The following SPAG16 variants were observed in gnomAD, a reference collection of about 807,000 sequenced individuals.
The protein encoded by SPAG16 is sperm associated antigen 16, also known as sperm-associated antigen 16 protein.
Under a neutral mutation model 80.4 loss-of-function variants are expected in SPAG16, and 86 were observed. The observed-to-expected ratio is 1.07, with a 90% CI of 0.90 to 1.28. The LOEUF (loss-of-function observed/expected upper bound fraction) is 1.28, where lower values mean the gene tolerates loss of function less well. Among genes scored for constraint, SPAG16 ranks in the 50% most tolerant of loss-of-function variants. The pLI, the probability that SPAG16 is intolerant of heterozygous loss-of-function variation, is 0.00. For missense variants in SPAG16, 870 were observed against 765.3 expected, an observed-to-expected ratio of 1.14 and a Z score of -1.61; for synonymous variants, 294 against 265.9, an observed-to-expected ratio of 1.11 and a Z score of -1.03.
chr2:213,307,920 A>T (rs2063020139), intron 3 of SPAG16, among the ~76,000 whole-genome samples: 1 of 152,148 alleles, frequency 6.6e-6, no homozygotes, highest in African/African-American at 2.4e-5. Flanking sequence ...GGCAGCAAAG[A>T]TCCTCTTTCC....
At chr2:213,640,724 G>A (rs1367274331) in intron 10 of SPAG16, among the ~76,000 whole-genome samples, 1 of 152,140 alleles carries the variant, frequency 6.6e-6, no homozygotes, top group Non-Finnish European at 1.5e-5. Flanking sequence ...TGAATGCTGG[G>A]TATGCTAGCA....
intron 10 of SPAG16, among the ~76,000 whole-genome samples, chr2:213,579,197 A>G (rs1017927419): frequency 1.3e-5 from 2 of 152,216 alleles, no homozygotes; most frequent in South Asian, 2.1e-4. Context: ...TCATCTCTTT[A>G]TAACTTTTGT....
intron 10 of SPAG16, among the ~76,000 whole-genome samples, chr2:213,773,781 T>C (rs2069403875): frequency 6.6e-6 from 1 of 151,976 alleles, no homozygotes; most frequent in South Asian, 2.1e-4. Context: ...CCTGAACTCC[T>C]GACCTTGTGA....
At chr2:213,458,058 A>C (rs975690156) in intron 9 of SPAG16, among the ~76,000 whole-genome samples, 13 of 151,990 alleles carry the variant, frequency 8.6e-5, no homozygotes, top group African/African-American at 2.9e-4. Flanking sequence ...AGGATCTTTG[A>C]ACTTTATTTA....
At chr2:214,114,782 C>A (rs2053851379) in intron 14 of SPAG16, among the ~76,000 whole-genome samples, 1 of 152,214 alleles carries the variant, frequency 6.6e-6, no homozygotes, top group Non-Finnish European at 1.5e-5. Context: ...AACACCTCTA[C>A]CTGCTTCGGG....
chr2:213,915,729 AC>A (rs1259365862), intron 11 of SPAG16, among the ~76,000 whole-genome samples: 1 of 152,070 alleles, frequency 6.6e-6, no homozygotes, highest in African/African-American at 2.4e-5. Flanking sequence ...TAATTTACAC[AC>A]CCATCAACAG....
intron 10 of SPAG16, among the ~76,000 whole-genome samples, chr2:213,714,732 T>C (rs915810315): frequency 6.6e-6 from 1 of 152,298 alleles, no homozygotes. Context: ...CTGCATTTCA[T>C]AGGGAAAACT....
At chr2:214,289,219 C>T (rs1693612025) in intron 15 of SPAG16, among the ~76,000 whole-genome samples, 1 of 152,156 alleles carries the variant, frequency 6.6e-6, no homozygotes, top group Non-Finnish European at 1.5e-5. Context: ...GGATTGTTTC[C>T]TTGCTATGTA....
chr2:214,283,391 A>G (rs10439273), intron 15 of SPAG16, among the ~76,000 whole-genome samples: 24,268 of 152,098 alleles, frequency 0.16, 2,397 homozygotes, highest in Admixed American at 0.25. Flanking sequence ...GCCCCATATT[A>G]GCACTGTATA....
At chr2:214,092,797 G>A (rs977361450) in intron 13 of SPAG16, among the ~76,000 whole-genome samples, 4 of 152,022 alleles carry the variant, frequency 2.6e-5, no homozygotes, top group African/African-American at 9.7e-5. Flanking sequence ...TCTGGCCACA[G>A]TGGGAGCTAA....
At chr2:213,721,476 T>A (rs1160181735) in intron 10 of SPAG16, among the ~76,000 whole-genome samples, 9 of 152,248 alleles carry the variant, frequency 5.9e-5, no homozygotes, top group African/African-American at 2.2e-4. Context: ...ATATTTACTG[T>A]TAGTCATTTA....
At chr2:213,494,607 C>T (rs939526588) in intron 10 of SPAG16, among the ~76,000 whole-genome samples, 6 of 152,192 alleles carry the variant, frequency 3.9e-5, no homozygotes, top group Admixed American at 6.5e-5. Flanking sequence ...TCCTAATTTA[C>T]CCTGTCTTAC....
At chr2:213,355,894 A>G (rs1371923761) in intron 7 of SPAG16, among the ~76,000 whole-genome samples, 1 of 152,168 alleles carries the variant, frequency 6.6e-6, no homozygotes, top group South Asian at 2.1e-4. Context: ...AGAACTGCCA[A>G]CTTCCAACTA....
In SPAG16 at chr2:214,022,402, T is replaced by C. The variant is rs2047918708; in HGVS notation, c.1527+8325T>C. 2.0e-5 allele frequency among the ~76,000 whole-genome samples: 3 copies of C among 152,164 alleles called. No individual in the cohort carries two copies. In the South Asian group the frequency reaches 6.2e-4, roughly 31 times the overall value. On this transcript the variant is annotated intron_variant, in intron 13 of 15. Transcript: ENST00000331683. Reference sequence around the variant, plus strand: ...ACAGTGTGTCCTTGGGCATATTGTATAAAATATTTTTCCCACAATTTCCTC... The same window carrying C: ...ACAGTGTGTCCTTGGGCATATTGTACAAAATATTTTTCCCACAATTTCCTC...
chr2:213,574,925 C>T (rs1367949315), intron 10 of SPAG16, among the ~76,000 whole-genome samples: 1 of 151,994 alleles, frequency 6.6e-6, no homozygotes, highest in Non-Finnish European at 1.5e-5. Flanking sequence ...AGTTTGCCTT[C>T]CCATTTGATC....
chr2:213,366,120 C>A (rs376439455), intron 8 of SPAG16, among the ~76,000 whole-genome samples: 1 of 127,948 alleles, frequency 7.8e-6, no homozygotes, highest in Admixed American at 8.8e-5. Flanking sequence ...CCAGCCTGGG[C>A]GACAGAGCGA....
intron 10 of SPAG16, among the ~76,000 whole-genome samples, chr2:213,703,454 A>C (rs2065592487): frequency 6.6e-6 from 1 of 152,212 alleles, no homozygotes; most frequent in Non-Finnish European, 1.5e-5. Context: ...TGTGAAACAA[A>C]CCCAGGGCCT....
At chr2:213,574,806 A>G (rs923569037) in intron 10 of SPAG16, among the ~76,000 whole-genome samples, 10 of 151,484 alleles carry the variant, frequency 6.6e-5, no homozygotes, top group Admixed American at 6.6e-4. Flanking sequence ...GCAGCATGGG[A>G]CAGTATCTAT....
At chr2:214,362,268 G>T (rs1283037454) in intron 15 of SPAG16, among the ~76,000 whole-genome samples, 1 of 151,828 alleles carries the variant, frequency 6.6e-6, no homozygotes, top group Non-Finnish European at 1.5e-5. Context: ...AAGTCACAGA[G>T]TCATTCCTAA....
Sources: gnomAD v4.1 joint callset for allele counts (sites outside exome capture counted in the v4.1 genomes callset) on GRCh38, gnomAD v4.1.1 for gene constraint, MANE v1.5 for transcripts, NCBI Gene and HGNC (gene_info 2026-07-23, HGNC 2026-07-21) for gene names.